Variants in AGBL1 observed in about 807,000 individuals in gnomAD.
AGBL1 encodes the protein AGBL carboxypeptidase 1.
AGBL1 carries 130 observed loss-of-function variants against 118.9 expected under a neutral mutation model. That is an observed-to-expected ratio of 1.09 (90% CI 0.95 to 1.26). AGBL1 has a LOEUF of 1.26. Ranked by LOEUF, AGBL1 falls within the 50% of genes most tolerant of loss-of-function variation. The pLI, the probability that AGBL1 is intolerant of heterozygous loss-of-function variation, is 0.00. For missense variants in AGBL1, 1,584 were observed against 1,298.1 expected, an observed-to-expected ratio of 1.22 and a Z score of -3.38; for synonymous variants, 555 against 478.9, an observed-to-expected ratio of 1.16 and a Z score of -2.08.
chr15:86,916,339 T>G (rs966692415), downstream of AGBL1, among the ~76,000 whole-genome samples: 3 of 152,130 alleles, frequency 2.0e-5, no homozygotes, highest in Non-Finnish European at 4.4e-5. Flanking sequence ...TTTTTTAAAT[T>G]TTTTAAAGAA....
intron 5 of AGBL1, among the ~76,000 whole-genome samples, chr15:86,192,547 C>T (rs1172037834): frequency 1.3e-5 from 2 of 151,988 alleles, no homozygotes; most frequent in African/African-American, 4.8e-5. Flanking sequence ...GCTGTCTATG[C>T]ACATTGAAAG....
At chr15:86,765,994 A>T (rs2078092220) in intron 22 of AGBL1, among the ~76,000 whole-genome samples, 1 of 151,994 alleles carries the variant, frequency 6.6e-6, no homozygotes, top group South Asian at 2.1e-4. Context: ...TGTAATTTCT[A>T]ATAGTTAATA....
chr15:86,215,311 G>A (rs897582232), intron 5 of AGBL1, among the ~76,000 whole-genome samples: 8 of 151,518 alleles, frequency 5.3e-5, no homozygotes, highest in African/African-American at 1.9e-4. Flanking sequence ...CAGGAGGCCG[G>A]CGCTGTAGCA....
chr15:86,591,084 T>C (rs893872812), intron 21 of AGBL1, among the ~76,000 whole-genome samples: 2 of 152,228 alleles, frequency 1.3e-5, no homozygotes, highest in African/African-American at 2.4e-5. Context: ...CTAGAATACT[T>C]ACTCATGATT....
intron 22 of AGBL1, among the ~76,000 whole-genome samples, chr15:86,790,352 A>G (rs1456122946): frequency 1.3e-5 from 2 of 151,870 alleles, no homozygotes; most frequent in South Asian, 2.1e-4. Context: ...AAACACACAC[A>G]CACACACACA....
intron 23 of AGBL1, among the ~76,000 whole-genome samples, chr15:86,954,288 TTAC>T (rs924789831): frequency 6.6e-6 from 1 of 152,152 alleles, no homozygotes; most frequent in Non-Finnish European, 1.5e-5. Flanking sequence ...GGCAATCCCA[TTAC>T]TGTGTATATA....
chr15:86,141,910 A>T (rs1043232388), intron 1 of AGBL1, 94 bp from the exon 2 acceptor site: 1 of 1,244,258 alleles, frequency 8.0e-7, no homozygotes, highest in Non-Finnish European at 1.1e-6. Context: ...TCTCCATGAC[A>T]GGAAGTAGAG....
chr15:86,199,972 C>T (rs2077877356), intron 5 of AGBL1, among the ~76,000 whole-genome samples: 1 of 152,120 alleles, frequency 6.6e-6, no homozygotes, highest in South Asian at 2.1e-4. Context: ...GCACAACTGT[C>T]CTGTTTGCAA....
intron 18 of AGBL1, among the ~76,000 whole-genome samples, chr15:86,448,980 G>A (rs1596128569): frequency 1.3e-5 from 2 of 152,266 alleles, no homozygotes; most frequent in Middle Eastern, 3.4e-3. Context: ...TAAGGATGTG[G>A]TGTACTGAAG....
At chr15:86,881,703 C>T (rs1017463024) in intron 22 of AGBL1, among the ~76,000 whole-genome samples, 2 of 152,110 alleles carry the variant, frequency 1.3e-5, no homozygotes, top group African/African-American at 2.4e-5. Context: ...GGGGTGCTCT[C>T]AGCTCACTGC....
intron 1 of AGBL1, among the ~76,000 whole-genome samples, chr15:86,137,352 T>A (rs1057227926): frequency 4.6e-5 from 7 of 152,210 alleles, no homozygotes; most frequent in African/African-American, 1.2e-4. Context: ...TTCTTTCCTA[T>A]TTTTCAAGAC....
intron 18 of AGBL1, among the ~76,000 whole-genome samples, chr15:86,428,108 T>C (rs1222277967): frequency 1.3e-5 from 2 of 152,186 alleles, no homozygotes; most frequent in African/African-American, 4.8e-5. Context: ...TCAATTTAAT[T>C]AGTATTTAAA....
intron 22 of AGBL1, among the ~76,000 whole-genome samples, chr15:86,806,723 A>C (rs2078718338): frequency 6.6e-6 from 1 of 151,772 alleles, no homozygotes; most frequent in Non-Finnish European, 1.5e-5. Flanking sequence ...GAGTGCTGCT[A>C]CTTATAAAGT....
In AGBL1 at chr15:86,437,573, C is replaced by T. The variant is rs558778944; in HGVS notation, c.2555+40027C>T. ...CAGTTTCCCCAACTCAGCTGGGTCC[C>T]GCCACCTAGTCTGTCACAAGCCCAG... is the stretch of plus-strand genomic sequence containing the variant. On this transcript the variant is annotated intron_variant, in intron 18 of 22. Transcript: ENST00000614907. 7.2e-5 allele frequency among the ~76,000 whole-genome samples: 11 copies of T among 152,238 alleles called. No homozygotes were observed. The South Asian group carries it at 1.9e-3, about 26-fold the overall frequency.
intron 1 of AGBL1, among the ~76,000 whole-genome samples, chr15:86,117,204 A>G (rs1816785691): frequency 6.6e-6 from 1 of 152,022 alleles, no homozygotes; most frequent in Non-Finnish European, 1.5e-5. Context: ...ATGCATGATT[A>G]CCTGCCTTGA....
At chr15:86,084,230 C>T (rs1481823383) in intron 1 of AGBL1, among the ~76,000 whole-genome samples, 1 of 152,134 alleles carries the variant, frequency 6.6e-6, no homozygotes, top group Non-Finnish European at 1.5e-5. Context: ...AGTGTGTAGG[C>T]GTATGCTGAG....
At chr15:86,306,428 T>A (rs1481372051) in intron 17 of AGBL1, among the ~76,000 whole-genome samples, 1 of 152,186 alleles carries the variant, frequency 6.6e-6, no homozygotes, top group Non-Finnish European at 1.5e-5. Flanking sequence ...TCTTTCTGTG[T>A]CTGGCTTATT....
chr15:86,196,596 G>A (rs2077806390), intron 5 of AGBL1, among the ~76,000 whole-genome samples: 1 of 152,016 alleles, frequency 6.6e-6, no homozygotes, highest in Admixed American at 6.6e-5. Context: ...AAAATTGGAG[G>A]GAGTTATGTG....
chr15:86,414,275 T>G (rs772661667), intron 18 of AGBL1, among the ~76,000 whole-genome samples: 4 of 152,160 alleles, frequency 2.6e-5, no homozygotes, highest in Non-Finnish European at 4.4e-5. Flanking sequence ...ACTTTATCAT[T>G]ATGCAATATA....
Sources: gnomAD v4.1 joint callset for allele counts (sites outside exome capture counted in the v4.1 genomes callset) on GRCh38, gnomAD v4.1.1 for gene constraint, MANE v1.5 for transcripts, NCBI Gene and HGNC (gene_info 2026-07-23, HGNC 2026-07-21) for gene names.